Variants in PCDHGA3 observed in about 807,000 individuals in gnomAD.
PCDHGA3 encodes the protein protocadherin gamma-A3.
A neutral mutation model predicts 58.5 loss-of-function variants in PCDHGA3; 40 were observed. That is an observed-to-expected ratio of 0.68 (90% CI 0.53 to 0.89). The LOEUF is 0.89. Ranked by LOEUF, PCDHGA3 falls within the 40% of genes least tolerant of loss-of-function variation. The probability of loss-of-function intolerance (pLI) is 0.00; values close to 1 mark genes in which losing one functional copy is unlikely to be tolerated. For synonymous variants in PCDHGA3, 530 were observed against 525.7 expected (o/e 1.01, Z -0.11); for missense variants, 1,223 against 1,195.9 (o/e 1.02, Z -0.33).
Position 141,489,173 on chromosome 5 carries a change from C to T in PCDHGA3, c.2425-5634C>T. 8.3e-7 allele frequency: 1 copy of T among 1,208,434 alleles called. No individual in the cohort carries two copies. Among genetic ancestry groups the T allele is most frequent in the Non-Finnish European group, 1.2e-6 (1 of 860,944 alleles). The allele number at this position is 1,208,434 out of a possible 1,614,324, so 74.9% of individuals were successfully genotyped here. ...CATAAGAGACTTCAGCTGCTGCATTCCAAGCCCTGGGTCTACCTTGGAGAC... is the reference window on the plus strand; with the variant it reads ...CATAAGAGACTTCAGCTGCTGCATTTCAAGCCCTGGGTCTACCTTGGAGAC... On this transcript the variant is annotated intron_variant, in intron 1 of 3. Coordinates refer to ENST00000253812, the MANE Select transcript of PCDHGA3 (RefSeq NM_018916.4). The surrounding 1 kb of genome is among the most constrained non-coding windows in gnomAD (Gnocchi z 4.5).
chr5:141,428,387 G>A, intron 1 of PCDHGA3: 1 of 505,948 alleles, frequency 2.0e-6, no homozygotes, highest in South Asian at 2.0e-5. Context: ...TGCTCTTCCA[G>A]CCCCTCTGCC....
chr5:141,486,091 G>T lies in PCDHGA3; in HGVS notation c.2425-8716G>T. ...CTACTGGAAAGCTTACTCTTTTGGG[G>T]CCCCTAGACTTTGAGAGTGAGAATT... On this transcript the variant is annotated intron_variant, in intron 1 of 3. Coordinates refer to ENST00000253812, the MANE Select transcript of PCDHGA3 (RefSeq NM_018916.4). This position sits in a 1 kb window ranked among gnomAD's most constrained non-coding sequence, Gnocchi z 5.0. 1 of 1,614,158 alleles carries T rather than the reference G, an allele frequency of 6.2e-7. No homozygotes were observed. Among genetic ancestry groups the T allele is most frequent in the South Asian group, 1.1e-5 (1 of 91,078 alleles).
At chr5:141,394,833 G>A (rs867584109) in intron 1 of PCDHGA3, 1 of 1,613,848 alleles carries the variant, frequency 6.2e-7, no homozygotes, top group South Asian at 1.1e-5. Flanking sequence ...AGTCCTGACC[G>A]AGTTGGGCAG....
chr5:141,385,420 A>T, intron 1 of PCDHGA3: 1 of 1,465,218 alleles, frequency 6.8e-7, no homozygotes, highest in Non-Finnish European at 9.0e-7. Flanking sequence ...AGGGATTTAA[A>T]AAACTTTATA....
At chr5:141,371,656 C>G (rs772257649) in intron 1 of PCDHGA3, 2 of 1,614,004 alleles carry the variant, frequency 1.2e-6, no homozygotes, top group Non-Finnish European at 1.7e-6. Flanking sequence ...TACAATGTGA[C>G]GATCACAGCT....
chr5:141,355,134 T>A (rs892801062), intron 1 of PCDHGA3: 1 of 1,523,362 alleles, frequency 6.6e-7, no homozygotes, highest in Non-Finnish European at 8.8e-7. Flanking sequence ...ACCCAGAAGA[T>A]CCTGGGGCTC....
Position 141,413,864 on chromosome 5 carries a change from T to C in PCDHGA3, c.2424+67407T>C. 3 of 1,613,398 alleles carry C rather than the reference T, an allele frequency of 1.9e-6. No homozygotes were observed. The Admixed American group carries it at 5.0e-5, about 27-fold the overall frequency. ...GGTGACCCTCTCCGATCTGGCACTG[T>C]CCTTGTCAGTGTGACTGTCTTCGAT... On this transcript the variant is annotated intron_variant, in intron 1 of 3. Transcript: ENST00000253812.
chr5:141,473,362 C>G (rs2099320242), intron 1 of PCDHGA3, among the ~76,000 whole-genome samples: 1 of 152,166 alleles, frequency 6.6e-6, no homozygotes, highest in South Asian at 2.1e-4. Flanking sequence ...AAGTGGCCAC[C>G]AAAATAGCAT....
chr5:141,345,191 C>G lies in PCDHGA3; in HGVS notation c.1158C>G (p.Val386=), dbSNP rs375789971. Residue 386 remains valine, a synonymous_variant, in exon 1 of 4, where the codon GTC becomes GTG. Coordinates refer to ENST00000253812, the MANE Select transcript of PCDHGA3 (RefSeq NM_018916.4). The part of the protein sequence containing the change: ...SGQNGQVEVF[V]LGNLPFKLEK... ...AGAATGGGCAGGTTGAAGTTTTTGTCCTGGGAAATCTGCCATTTAAGTTAG... is the reference window on the plus strand; with the variant it reads ...AGAATGGGCAGGTTGAAGTTTTTGTGCTGGGAAATCTGCCATTTAAGTTAG... The G allele has an allele frequency of 1.1e-4, 175 of 1,613,822 alleles. No individual in the cohort carries two copies. The highest frequency in any genetic ancestry group is 1.4e-4 in the Non-Finnish European group (163 of 1,179,896).
intron 1 of PCDHGA3, among the ~76,000 whole-genome samples, chr5:141,480,672 T>A (rs1053078255): frequency 2.0e-5 from 3 of 152,166 alleles, no homozygotes; most frequent in African/African-American, 7.2e-5. Context: ...CCTAGAGACC[T>A]TTTAAAAATT....
chr5:141,465,881 G>T (rs1000308014), intron 1 of PCDHGA3, among the ~76,000 whole-genome samples: 1 of 151,960 alleles, frequency 6.6e-6, no homozygotes, highest in African/African-American at 2.4e-5. Flanking sequence ...CCAGCACTTT[G>T]GGAGGCCGAG....
chr5:141,419,137 C>G, intron 1 of PCDHGA3: 2 of 1,613,892 alleles, frequency 1.2e-6, no homozygotes, highest in Non-Finnish European at 1.7e-6. Context: ...CAGCCACAGA[C>G]AGGGGCAAGC....
At chr5:141,413,128 CA>C in intron 1 of PCDHGA3, 1 of 1,534,686 alleles carries the variant, frequency 6.5e-7, no homozygotes, top group Non-Finnish European at 8.8e-7. Flanking sequence ...GGTTGAAACA[CA>C]CAACGTGTCC....
Position 141,490,148 on chromosome 5 carries a change from A to T in PCDHGA3, c.2425-4659A>T. On this transcript the variant is annotated intron_variant, in intron 1 of 3. Transcript: ENST00000253812. This position sits in a 1 kb window ranked among gnomAD's most constrained non-coding sequence, Gnocchi z 5.4. The stretch of plus-strand genomic sequence containing the variant: ...CTAGACCCTAGCAGTGGGGCAATCC[A>T]TGTGTTGGGTCCCATAGACTTTGAG... The T allele has an allele frequency of 6.2e-7, 1 of 1,614,232 alleles. No homozygotes were observed. The highest frequency in any genetic ancestry group is 1.3e-5 in the African/African-American group (1 of 75,068).
At chr5:141,374,058 C>G in intron 1 of PCDHGA3, 1 of 1,487,942 alleles carries the variant, frequency 6.7e-7, no homozygotes, top group Non-Finnish European at 8.9e-7. Flanking sequence ...CTTCTTAATC[C>G]CAGAGAAGTT....
At position 141,372,683 on chromosome 5, in the gene PCDHGA3, C is replaced by T. The variant is rs764987054; in HGVS notation, c.2424+26226C>T. On this transcript the variant is annotated intron_variant, in intron 1 of 3. Coordinates refer to ENST00000253812, the MANE Select transcript of PCDHGA3 (RefSeq NM_018916.4). The stretch of plus-strand genomic sequence containing the variant: ...GTGCTGCCTCACATTCCTCAAACAC[C>T]GAGTTTAAATTTCTCAATATAAAGG... The T allele has an allele frequency of 1.9e-6, 3 of 1,613,826 alleles. No homozygotes were observed. In the African/African-American group the frequency reaches 4.0e-5, roughly 22 times the overall value.
At chr5:141,409,330 C>T (rs920851409) in intron 1 of PCDHGA3, 1 of 1,613,836 alleles carries the variant, frequency 6.2e-7, no homozygotes, top group African/African-American at 1.3e-5. Flanking sequence ...ATCTGGATTT[C>T]GGAGGAAATG....
chr5:141,476,328 G>C lies in PCDHGA3; in HGVS notation c.2425-18479G>C, dbSNP rs1381722714. On this transcript the variant is annotated intron_variant, in intron 1 of 3. Coordinates refer to ENST00000253812, the MANE Select transcript of PCDHGA3 (RefSeq NM_018916.4). This position sits in a 1 kb window ranked among gnomAD's most constrained non-coding sequence, Gnocchi z 7.6. Reference sequence around the variant, plus strand: ...GCCCGCAGGTTCCGGGTGGTGTCTGGAGCTAGCCGAAGATTCTTTGAGGTG... The same window carrying C: ...GCCCGCAGGTTCCGGGTGGTGTCTGCAGCTAGCCGAAGATTCTTTGAGGTG... 1 of 1,614,176 alleles carries C rather than the reference G, an allele frequency of 6.2e-7. No individual in the cohort carries two copies. Among genetic ancestry groups the C allele is most frequent in the East Asian group, 2.2e-5 (1 of 44,864 alleles).
At position 141,487,116 on chromosome 5, in the gene PCDHGA3, A is replaced by G. The variant is rs749256818; in HGVS notation, c.2425-7691A>G. On this transcript the variant is annotated intron_variant, in intron 1 of 3. Transcript: ENST00000253812. This position sits in a 1 kb window ranked among gnomAD's most constrained non-coding sequence, Gnocchi z 5.0. ...CCACAGAAGCTGGTCATTGTGGTAA[A>G]GGATAGTGGTAGTCCACCACTCTCT... The G allele has an allele frequency of 3.1e-6, 5 of 1,614,022 alleles. No individual in the cohort carries two copies.
Sources: gnomAD v4.1 joint callset for allele counts (sites outside exome capture counted in the v4.1 genomes callset) on GRCh38, gnomAD v4.1.1 for gene constraint, Gnocchi (gnomAD v3.1) non-coding constraint, MANE v1.5 for transcripts, NCBI Gene and HGNC (gene_info 2026-07-23, HGNC 2026-07-21) for gene names.